KCNIP4: variants seen among roughly 807,000 people sequenced by gnomAD.
The protein encoded by KCNIP4 is Kv channel-interacting protein 4.
In KCNIP4, 12 loss-of-function variants were observed where a neutral mutation model predicts 34.0. The observed-to-expected ratio is 0.35, with a 90% CI of 0.23 to 0.57. KCNIP4 has a LOEUF of 0.57. Among genes scored for constraint, KCNIP4 ranks in the 20% least tolerant of loss-of-function variants. The pLI is 0.83. For synonymous variants in KCNIP4, 124 were observed against 102.2 expected, an observed-to-expected ratio of 1.21 and a Z score of -1.29; for missense variants, 238 against 311.7, an observed-to-expected ratio of 0.76 and a Z score of 1.78.
At chr4:21,017,108 C>T (rs1442308341) in intron 1 of KCNIP4, among the ~76,000 whole-genome samples, 1 of 152,196 alleles carries the variant, frequency 6.6e-6, no homozygotes, top group Non-Finnish European at 1.5e-5. Context: ...ATAGTGCTTG[C>T]TCTACCCATG....
chr4:21,359,118 A>G (rs1718957169), intron 1 of KCNIP4, among the ~76,000 whole-genome samples: 1 of 152,144 alleles, frequency 6.6e-6, no homozygotes, highest in South Asian at 2.1e-4. Context: ...AGGTATACCC[A>G]GTAAAGTAAA....
chr4:21,216,125 C>T (rs941581022), intron 1 of KCNIP4, among the ~76,000 whole-genome samples: 4 of 152,108 alleles, frequency 2.6e-5, no homozygotes, highest in South Asian at 2.1e-4. Flanking sequence ...ATGCAAAGGG[C>T]GGTTGAGAAA....
At chr4:21,328,864 C>T (rs1715348315) in intron 1 of KCNIP4, among the ~76,000 whole-genome samples, 1 of 152,202 alleles carries the variant, frequency 6.6e-6, no homozygotes, top group African/African-American at 2.4e-5. Context: ...GGCCCCAGGC[C>T]AATGGTGAGT....
At position 21,082,028 on chromosome 4, in the gene KCNIP4, G is replaced by T. The variant is rs1024089184; in HGVS notation, c.62-199319C>A. Among the ~76,000 whole-genome samples the T allele has an allele frequency of 2.6e-5, 4 of 151,878 alleles. 1 individual carries two copies. Among genetic ancestry groups the T allele is most frequent in the African/African-American group, 9.7e-5 (4 of 41,240 alleles). On this transcript the variant is annotated intron_variant, in intron 1 of 8. Coordinates refer to ENST00000382152, the MANE Select transcript of KCNIP4 (RefSeq NM_025221.6). ...TTCTCCTTTGAAAAGGCTAATTGCT[G>T]ATGATTTCGCAGAAAAGAGGTCTAT...
intron 1 of KCNIP4, among the ~76,000 whole-genome samples, chr4:21,375,694 G>A (rs1560342856): frequency 6.6e-6 from 1 of 151,778 alleles, no homozygotes; most frequent in Non-Finnish European, 1.5e-5. Flanking sequence ...AGCCTCCCGA[G>A]TAGCTGGGAC....
intron 1 of KCNIP4, among the ~76,000 whole-genome samples, chr4:21,231,097 T>C (rs1263920422): frequency 1.3e-5 from 2 of 152,180 alleles, no homozygotes; most frequent in East Asian, 1.9e-4. Flanking sequence ...AGATAATGCA[T>C]GTACATCCTC....
At chr4:21,418,857 A>G (rs1018314096) in intron 1 of KCNIP4, among the ~76,000 whole-genome samples, 1 of 152,180 alleles carries the variant, frequency 6.6e-6, no homozygotes, top group African/African-American at 2.4e-5. Context: ...ATATTCATAA[A>G]GAGTTGTTTC....
At chr4:21,250,786 A>G (rs1760643131) in intron 1 of KCNIP4, among the ~76,000 whole-genome samples, 1 of 152,054 alleles carries the variant, frequency 6.6e-6, no homozygotes, top group African/African-American at 2.4e-5. Flanking sequence ...ACTTAAAGCG[A>G]GGATGGGAAA....
intron 1 of KCNIP4, among the ~76,000 whole-genome samples, chr4:21,892,695 G>A (rs989228220): frequency 4.0e-5 from 6 of 151,896 alleles, no homozygotes; most frequent in East Asian, 1.9e-4. Context: ...AATCAAAACC[G>A]ATTAAAATAG....
intron 1 of KCNIP4, among the ~76,000 whole-genome samples, chr4:21,508,051 T>A (rs1733991722): frequency 6.6e-6 from 1 of 152,178 alleles, no homozygotes; most frequent in Admixed American, 6.5e-5. Context: ...TCTTTTCCAG[T>A]TACACTCTTG....
At chr4:20,764,228 C>T (rs535276702) in intron 3 of KCNIP4, among the ~76,000 whole-genome samples, 5 of 152,248 alleles carry the variant, frequency 3.3e-5, no homozygotes, top group East Asian at 1.9e-4. Context: ...CATAATCTGA[C>T]TACTGTAAGA....
intron 2 of KCNIP4, among the ~76,000 whole-genome samples, chr4:20,856,617 T>C (rs1002846394): frequency 2.6e-5 from 4 of 152,174 alleles, no homozygotes; most frequent in Non-Finnish European, 5.9e-5. Context: ...AATAATCTGG[T>C]AAACAAAGGA....
chr4:21,733,264 T>G (rs763531035), intron 1 of KCNIP4, among the ~76,000 whole-genome samples: 1 of 152,220 alleles, frequency 6.6e-6, no homozygotes, highest in Non-Finnish European at 1.5e-5. Flanking sequence ...ATCTCCTGAT[T>G]GGGACATGAC....
chr4:21,194,000 A>C (rs1755872073), intron 1 of KCNIP4, among the ~76,000 whole-genome samples: 1 of 152,226 alleles, frequency 6.6e-6, no homozygotes, highest in Non-Finnish European at 1.5e-5. Flanking sequence ...GGTTTTATAC[A>C]CGGCAATTTG....
intron 1 of KCNIP4, among the ~76,000 whole-genome samples, chr4:21,390,594 T>C (rs1722476086): frequency 6.6e-6 from 1 of 152,218 alleles, no homozygotes; most frequent in African/African-American, 2.4e-5. Flanking sequence ...GTCAGGTTTG[T>C]GAAAGATCAG....
At chr4:21,364,965 G>A (rs1033775047) in intron 1 of KCNIP4, among the ~76,000 whole-genome samples, 2 of 152,058 alleles carry the variant, frequency 1.3e-5, no homozygotes, top group African/African-American at 4.8e-5. Context: ...AAGAAGATGA[G>A]GAATTATGGT....
chr4:21,250,964 G>C (rs1208846540), intron 1 of KCNIP4, among the ~76,000 whole-genome samples: 2 of 151,260 alleles, frequency 1.3e-5, no homozygotes, highest in Admixed American at 1.3e-4. Context: ...TATCTACACT[G>C]TATCTCAGAA....
At chr4:21,259,186 C>T (rs1203125581) in intron 1 of KCNIP4, among the ~76,000 whole-genome samples, 1 of 152,158 alleles carries the variant, frequency 6.6e-6, no homozygotes, top group Non-Finnish European at 1.5e-5. Flanking sequence ...AGACTGTCAG[C>T]CTCCAAAATT....
At chr4:21,802,078 T>C (rs1234716162) in intron 1 of KCNIP4, among the ~76,000 whole-genome samples, 1 of 151,710 alleles carries the variant, frequency 6.6e-6, no homozygotes, top group South Asian at 2.1e-4. Context: ...TTAATATTAA[T>C]ATTATTCTAA....
Sources: allele counts gnomAD v4.1 joint callset (sites outside exome capture counted in the v4.1 genomes callset), GRCh38; gene constraint gnomAD v4.1.1; transcripts MANE v1.5; gene names NCBI Gene and HGNC (gene_info 2026-07-23, HGNC 2026-07-21).